ADK: variants seen among roughly 807,000 people sequenced by gnomAD.
The protein encoded by ADK is adenosine kinase.
Under a neutral mutation model 44.7 loss-of-function variants are expected in ADK, and 24 were observed. The observed-to-expected ratio is 0.54, with a 90% CI of 0.39 to 0.76. ADK has a LOEUF of 0.76. Ranked by LOEUF, ADK falls within the 30% of genes least tolerant of loss-of-function variation. ADK has a pLI of 0.00. For synonymous variants in ADK, 128 were observed against 142.6 expected, an observed-to-expected ratio of 0.90 and a Z score of 0.73; for missense variants, 321 against 425.1, an observed-to-expected ratio of 0.76 and a Z score of 2.15.
chr10:74,399,341 T>G (rs1843630818), intron 6 of ADK, among the ~76,000 whole-genome samples: 1 of 151,482 alleles, frequency 6.6e-6, no homozygotes, highest in Non-Finnish European at 1.5e-5. Flanking sequence ...AAATAGCTGG[T>G]AAGATGTGTA....
intron 3 of ADK, among the ~76,000 whole-genome samples, chr10:74,292,906 G>A (rs981141573): frequency 9.2e-5 from 14 of 151,928 alleles, no homozygotes; most frequent in African/African-American, 3.4e-4. Context: ...ACAGATTGGC[G>A]GACATTTTAA....
intron 7 of ADK, among the ~76,000 whole-genome samples, chr10:74,564,536 AC>A (rs1325485038): frequency 2.0e-5 from 3 of 151,724 alleles, no homozygotes; most frequent in African/African-American, 7.3e-5. Context: ...TTCCTGACTA[AC>A]CCTGTTTCCT....
At chr10:74,376,735 G>A (rs1472484979) in intron 4 of ADK, among the ~76,000 whole-genome samples, 2 of 144,794 alleles carry the variant, frequency 1.4e-5, no homozygotes, top group Non-Finnish European at 3.0e-5. Flanking sequence ...CACTATATTT[G>A]TACCTTGTGT....
chr10:74,497,248 C>T (rs114435651), intron 6 of ADK, among the ~76,000 whole-genome samples: 112 of 152,342 alleles, frequency 7.4e-4, no homozygotes, highest in African/African-American at 2.5e-3. Context: ...AGAAGTTTTA[C>T]ACTGGGATGT....
intron 1 of ADK, among the ~76,000 whole-genome samples, chr10:74,180,208 T>TTTTATTATTA (rs1554826124): frequency 2.1e-5 from 2 of 96,506 alleles, no homozygotes; most frequent in South Asian, 2.8e-4. Context: ...CTCTTTTCTT[T>TTTTATTATTA]TTATTATTAT....
chr10:74,179,141 C>G (rs1276581766), intron 1 of ADK, among the ~76,000 whole-genome samples: 1 of 152,132 alleles, frequency 6.6e-6, no homozygotes, highest in Non-Finnish European at 1.5e-5. Flanking sequence ...TTGGGAAGTG[C>G]AGGGAGGCCA....
chr10:74,255,337 A>G (rs1246193726), intron 3 of ADK, among the ~76,000 whole-genome samples: 2 of 151,714 alleles, frequency 1.3e-5, no homozygotes, highest in Non-Finnish European at 2.9e-5. Flanking sequence ...TCTTTTGGTG[A>G]TCATTTGGGG....
chr10:74,462,358 A>G (rs879615316), intron 6 of ADK, among the ~76,000 whole-genome samples: 1 of 152,102 alleles, frequency 6.6e-6, no homozygotes, highest in African/African-American at 2.4e-5. Context: ...ACCTCTTTCT[A>G]AGAGTATATT....
chr10:74,417,981 G>A (rs1180873315), intron 6 of ADK, among the ~76,000 whole-genome samples: 8 of 152,022 alleles, frequency 5.3e-5, no homozygotes, highest in Non-Finnish European at 7.4e-5. Context: ...TTATCTCATA[G>A]CATATTTATA....
chr10:74,456,245 C>T (rs186728166), intron 6 of ADK, among the ~76,000 whole-genome samples: 15 of 152,164 alleles, frequency 9.9e-5, no homozygotes, highest in East Asian at 1.9e-4. Flanking sequence ...CATTCTTCTC[C>T]GCACCACATC....
chr10:74,271,955 C>G (rs1027806988), intron 3 of ADK, among the ~76,000 whole-genome samples: 1 of 151,734 alleles, frequency 6.6e-6, no homozygotes, highest in Middle Eastern at 3.2e-3. Flanking sequence ...TACTGCAAAC[C>G]CCATTGATAG....
At chr10:74,548,363 T>C (rs2133766084) in intron 7 of ADK, among the ~76,000 whole-genome samples, 1 of 152,348 alleles carries the variant, frequency 6.6e-6, no homozygotes, top group South Asian at 2.1e-4. Context: ...GTTAATCTTT[T>C]TGATTCTGAA....
At chr10:74,259,709 C>T (rs573207502) in intron 3 of ADK, among the ~76,000 whole-genome samples, 37 of 151,436 alleles carry the variant, frequency 2.4e-4, no homozygotes, top group African/African-American at 8.0e-4. Context: ...CGTCTGCCTT[C>T]GCCTCCCAAA....
At chr10:74,646,470 A>G (rs961197921) in intron 9 of ADK, among the ~76,000 whole-genome samples, 3 of 152,224 alleles carry the variant, frequency 2.0e-5, no homozygotes, top group African/African-American at 7.2e-5. Flanking sequence ...CAGGATTATT[A>G]TGCTTAGGTC....
chr10:74,570,305 G>A (rs1589257789), intron 7 of ADK, among the ~76,000 whole-genome samples: 4 of 152,232 alleles, frequency 2.6e-5, no homozygotes, highest in African/African-American at 9.6e-5. Flanking sequence ...TTCCAATTCT[G>A]TGAAGAAAGT....
chr10:74,587,649 A>G (rs930468329), intron 7 of ADK, among the ~76,000 whole-genome samples: 2 of 152,082 alleles, frequency 1.3e-5, no homozygotes, highest in African/African-American at 4.8e-5. Context: ...CTCAGGCTCA[A>G]ATCCCATCCT....
chr10:74,196,033 G>A (rs2132134391), intron 1 of ADK, among the ~76,000 whole-genome samples: 1 of 151,558 alleles, frequency 6.6e-6, no homozygotes, highest in Non-Finnish European at 1.5e-5. Context: ...TGAACTCCTG[G>A]ACTCAAACCA....
chr10:74,348,219 G>A (rs974836556), intron 4 of ADK, among the ~76,000 whole-genome samples: 2 of 152,142 alleles, frequency 1.3e-5, no homozygotes, highest in Admixed American at 6.5e-5. Flanking sequence ...CCTCTGGGAC[G>A]AAGCTTCTAG....
At chr10:74,262,259 G>GC (rs1846063553) in intron 3 of ADK, among the ~76,000 whole-genome samples, 2 of 148,504 alleles carry the variant, frequency 1.3e-5, no homozygotes, top group Admixed American at 1.4e-4. Flanking sequence ...GGCAGAGGTT[G>GC]CTGTGATCAC....
Sources: allele counts gnomAD v4.1 joint callset (sites outside exome capture counted in the v4.1 genomes callset), GRCh38; gene constraint gnomAD v4.1.1; transcripts MANE v1.5; gene names NCBI Gene and HGNC (gene_info 2026-07-23, HGNC 2026-07-21).